The following PDE1C variants were observed in gnomAD, a reference collection of about 807,000 sequenced individuals.
PDE1C encodes phosphodiesterase 1C, also known as dual specificity calcium/calmodulin-dependent 3',5'-cyclic nucleotide phosphodiesterase 1C.
Under a neutral mutation model 93.1 loss-of-function variants are expected in PDE1C, and 62 were observed. That is an observed-to-expected ratio of 0.67 (90% CI 0.54 to 0.82). The LOEUF is 0.82. Among genes scored for constraint, PDE1C ranks in the 40% least tolerant of loss-of-function variants. The probability of loss-of-function intolerance (pLI) is 0.00; values close to 1 mark genes in which losing one functional copy is unlikely to be tolerated. For synonymous variants in PDE1C, 325 were observed against 310.1 expected (o/e 1.05, Z -0.50); for missense variants, 742 against 884.6 (o/e 0.84, Z 2.04).
At chr7:31,827,981 C>T (rs537030113) in intron 12 of PDE1C, among the ~76,000 whole-genome samples, 68 of 152,132 alleles carry the variant, frequency 4.5e-4, no homozygotes, top group Non-Finnish European at 7.8e-4. Flanking sequence ...TGCAGAATGG[C>T]GGGATGGAGT....
chr7:31,846,191 A>G (rs1260190782), intron 9 of PDE1C, among the ~76,000 whole-genome samples: 2 of 149,768 alleles, frequency 1.3e-5, no homozygotes, highest in African/African-American at 4.9e-5. Flanking sequence ...AAACATACGT[A>G]TGCTACTTCT....
intron 3 of PDE1C, among the ~76,000 whole-genome samples, chr7:32,134,433 G>A (rs1800090049): frequency 6.6e-6 from 1 of 151,992 alleles, no homozygotes; most frequent in South Asian, 2.1e-4. Flanking sequence ...CCAGGATGAA[G>A]CCCTAAGATC....
At chr7:32,378,925 T>G (rs1174674291) in intron 1 of PDE1C, among the ~76,000 whole-genome samples, 1 of 152,254 alleles carries the variant, frequency 6.6e-6, no homozygotes, top group Non-Finnish European at 1.5e-5. Context: ...CTGTGGTCTT[T>G]TTTGGTGCAG....
the PDE1C span, among the ~76,000 whole-genome samples, chr7:31,709,646 T>A: frequency 6.6e-6 from 1 of 152,084 alleles, no homozygotes; most frequent in Non-Finnish European, 1.5e-5. Flanking sequence ...ATATACAGAA[T>A]GGTGAGAGGC....
At chr7:32,026,710 C>CA (rs1193313750) in intron 2 of PDE1C, among the ~76,000 whole-genome samples, 1 of 151,974 alleles carries the variant, frequency 6.6e-6, no homozygotes, top group African/African-American at 2.4e-5. Flanking sequence ...CTCAGGTCCA[C>CA]AAAAAATGGC....
At chr7:32,178,863 C>T (rs921296504) in intron 2 of PDE1C, among the ~76,000 whole-genome samples, 8 of 152,208 alleles carry the variant, frequency 5.3e-5, no homozygotes, top group African/African-American at 1.7e-4. Flanking sequence ...ATCTGTACCA[C>T]TGAGCTCATC....
intron 1 of PDE1C, among the ~76,000 whole-genome samples, chr7:32,385,912 C>T (rs1014163269): frequency 6.6e-6 from 1 of 152,132 alleles, no homozygotes; most frequent in South Asian, 2.1e-4. Flanking sequence ...CTTGCTGATA[C>T]AACAAGCTAC....
In PDE1C at chr7:32,083,542, A is replaced by G. The variant is rs562222747; in HGVS notation, c.308+86243T>C. On this transcript the variant is annotated intron_variant, in intron 3 of 18. Coordinates refer to the PDE1C transcript ENST00000396193. ...CTCAAGAAGAGCAACTCCAAGACAC[A>G]TAATTGTCAGATTCACCAAAGTTGA... Among the ~76,000 whole-genome samples the G allele has an allele frequency of 1.7e-3, 258 of 152,234 alleles. 1 individual carries two copies. The highest frequency in any genetic ancestry group is 5.8e-3 in the African/African-American group (243 of 41,556).
intron 2 of PDE1C, among the ~76,000 whole-genome samples, chr7:32,042,129 G>A (rs1433281728): frequency 4.6e-5 from 7 of 152,054 alleles, no homozygotes; most frequent in Non-Finnish European, 5.9e-5. Context: ...GTAAAACCCC[G>A]TCTCTATTAA....
At chr7:31,836,879 A>G (rs1449706224) in intron 11 of PDE1C, among the ~76,000 whole-genome samples, 1 of 152,158 alleles carries the variant, frequency 6.6e-6, no homozygotes, top group East Asian at 1.9e-4. Flanking sequence ...TTGTCGAGCC[A>G]CTAGAAAAAA....
chr7:31,708,853 C>T, the PDE1C span, among the ~76,000 whole-genome samples: 2,001 of 152,214 alleles, frequency 0.013, 37 homozygotes, highest in South Asian at 0.039. Flanking sequence ...TGTTGTAATC[C>T]TAATGATCTC....
intron 1 of PDE1C, among the ~76,000 whole-genome samples, chr7:32,310,542 A>G (rs1782998112): frequency 6.6e-6 from 1 of 152,228 alleles, no homozygotes; most frequent in Non-Finnish European, 1.5e-5. Context: ...CAGAAATTAT[A>G]ACAAACTGTC....
chr7:31,651,657 AGT>A, the PDE1C span, among the ~76,000 whole-genome samples: 1 of 152,140 alleles, frequency 6.6e-6, no homozygotes, highest in African/African-American at 2.4e-5. Context: ...GGGAAATAGA[AGT>A]GTTTTAAAAC....
At chr7:31,841,227 C>CTCTCTATATATATATATATA (rs751320538) in intron 9 of PDE1C, among the ~76,000 whole-genome samples, 3 of 142,258 alleles carry the variant, frequency 2.1e-5, no homozygotes, top group African/African-American at 7.9e-5. Flanking sequence ...CTCTCTCTCT[C>CTCTCTATATATATATATATA]TATATATATA....
intron 17 of PDE1C, among the ~76,000 whole-genome samples, chr7:31,769,929 G>A (rs956146338): frequency 1.7e-4 from 26 of 152,202 alleles, no homozygotes; most frequent in African/African-American, 6.0e-4. Context: ...GTTGTAAAAT[G>A]TATGAGTACT....
At chr7:31,761,095 G>A (rs578249948) in intron 17 of PDE1C, among the ~76,000 whole-genome samples, 176 of 150,596 alleles carry the variant, frequency 1.2e-3, no homozygotes, top group African/African-American at 4.0e-3. Context: ...TACTGGGCAT[G>A]TATTTTGGCT....
At chr7:32,195,179 G>A (rs1804528595) in intron 2 of PDE1C, among the ~76,000 whole-genome samples, 1 of 152,172 alleles carries the variant, frequency 6.6e-6, no homozygotes, top group African/African-American at 2.4e-5. Flanking sequence ...AAGAGGAGAA[G>A]GAAACATTAT....
chr7:31,778,654 G>A (rs779497949), intron 16 of PDE1C, among the ~76,000 whole-genome samples: 13 of 152,266 alleles, frequency 8.5e-5, no homozygotes, highest in Non-Finnish European at 1.8e-4. Flanking sequence ...TTAGAGATGT[G>A]GTTCCCAATT....
intron 3 of PDE1C, among the ~76,000 whole-genome samples, chr7:32,098,548 G>T: frequency 6.6e-6 from 1 of 152,130 alleles, no homozygotes; most frequent in East Asian, 1.9e-4. Context: ...TCAAAGTAAA[G>T]AAAGATAAGT....
Sources: allele counts gnomAD v4.1 joint callset (sites outside exome capture counted in the v4.1 genomes callset), GRCh38; gene constraint gnomAD v4.1.1; transcripts MANE v1.5; gene names NCBI Gene and HGNC (gene_info 2026-07-23, HGNC 2026-07-21).